The following SHROOM3 variants were observed in gnomAD, a reference collection of about 807,000 sequenced individuals.
The protein encoded by SHROOM3 is shroom family member 3, also known as protein Shroom3.
SHROOM3 carries 47 observed loss-of-function variants against 138.6 expected under a neutral mutation model. The observed-to-expected ratio is 0.34, with a 90% CI of 0.27 to 0.43. The LOEUF (loss-of-function observed/expected upper bound fraction) is 0.43, where lower values mean the gene tolerates loss of function less well. Among genes scored for constraint, SHROOM3 ranks in the 20% least tolerant of loss-of-function variants. The pLI is 1.00. For missense variants in SHROOM3, 2,491 were observed against 2,596.5 expected (o/e 0.96, Z 0.88); for synonymous variants, 1,062 against 1,063.3 (o/e 1.00, Z 0.02).
chr4:76,646,376 T>C (rs1735822735), intron 2 of SHROOM3, among the ~76,000 whole-genome samples: 1 of 151,886 alleles, frequency 6.6e-6, no homozygotes, highest in African/African-American at 2.4e-5. Context: ...ATAGTTTTTA[T>C]ACTTTACCAC....
chr4:76,450,841 A>G (rs1455801331), intron 1 of SHROOM3, among the ~76,000 whole-genome samples: 1 of 152,270 alleles, frequency 6.6e-6, no homozygotes, highest in Non-Finnish European at 1.5e-5. Context: ...AATGAATCAT[A>G]AAGAAAAACA....
At chr4:76,469,853 A>C (rs886420469) in intron 1 of SHROOM3, among the ~76,000 whole-genome samples, 2 of 152,092 alleles carry the variant, frequency 1.3e-5, no homozygotes, top group Non-Finnish European at 2.9e-5. Flanking sequence ...TGATTTGAAA[A>C]GACAAGATAA....
chr4:76,477,138 T>G (rs1731501467), intron 1 of SHROOM3, among the ~76,000 whole-genome samples: 1 of 152,094 alleles, frequency 6.6e-6, no homozygotes, highest in Admixed American at 6.5e-5. Flanking sequence ...CGGCTAATTT[T>G]TAATATTTTT....
At chr4:76,687,003 C>G (rs1719355750) in intron 2 of SHROOM3, among the ~76,000 whole-genome samples, 1 of 152,166 alleles carries the variant, frequency 6.6e-6, no homozygotes, top group African/African-American at 2.4e-5. Flanking sequence ...TCTCTCTGGT[C>G]TTTCCTTCCC....
intron 2 of SHROOM3, chr4:76,586,487 C>T: frequency 6.1e-6 from 6 of 982,714 alleles, no homozygotes; most frequent in Non-Finnish European, 7.3e-6. Context: ...CATTTTAAAC[C>T]AACGATTTCT....
At chr4:76,501,550 T>C (rs2109999594) in intron 1 of SHROOM3, among the ~76,000 whole-genome samples, 1 of 152,270 alleles carries the variant, frequency 6.6e-6, no homozygotes, top group East Asian at 1.9e-4. Flanking sequence ...TTTAATAAGG[T>C]AGCTCTTGGT....
At chr4:76,603,464 C>A (rs539091783) in intron 2 of SHROOM3, among the ~76,000 whole-genome samples, 50 of 152,058 alleles carry the variant, frequency 3.3e-4, no homozygotes, top group African/African-American at 1.1e-3. Flanking sequence ...CAAAAAAAAA[C>A]CGTACTTTGC....
chr4:76,670,810 G>A (rs966390233), intron 2 of SHROOM3, among the ~76,000 whole-genome samples: 4 of 151,984 alleles, frequency 2.6e-5, no homozygotes, highest in South Asian at 4.1e-4. Context: ...AAAATTAGCC[G>A]GGCATGGTGG....
chr4:76,635,402 G>A (rs925963701), intron 2 of SHROOM3, among the ~76,000 whole-genome samples: 4 of 152,094 alleles, frequency 2.6e-5, no homozygotes, highest in Non-Finnish European at 5.9e-5. Context: ...ACATGAGCTG[G>A]TCATAAAAGA....
At chr4:76,689,114 G>A (rs565337894) in intron 2 of SHROOM3, among the ~76,000 whole-genome samples, 1 of 152,188 alleles carries the variant, frequency 6.6e-6, no homozygotes, top group Non-Finnish European at 1.5e-5. Context: ...ACAACGGGGG[G>A]AGGTTAATTA....
intron 1 of SHROOM3, among the ~76,000 whole-genome samples, chr4:76,457,798 CTTTT>C (rs1186099037): frequency 2.9e-5 from 4 of 138,018 alleles, no homozygotes; most frequent in Non-Finnish European, 1.6e-5. Flanking sequence ...CTTTTCTTTT[CTTTT>C]TTTTTTTTTT....
intron 2 of SHROOM3, among the ~76,000 whole-genome samples, chr4:76,576,821 A>C (rs1359863833): frequency 1.3e-5 from 2 of 152,054 alleles, no homozygotes; most frequent in Non-Finnish European, 2.9e-5. Flanking sequence ...TAAAATAAAA[A>C]ATGGGTAAGA....
At chr4:76,462,937 G>A (rs1731172222) in intron 1 of SHROOM3, among the ~76,000 whole-genome samples, 1 of 152,106 alleles carries the variant, frequency 6.6e-6, no homozygotes, top group South Asian at 2.1e-4. Context: ...GTTCTTTATA[G>A]CAGTGCGAGA....
At chr4:76,770,939 A>C (rs1311339665) in intron 10 of SHROOM3, 41 bp downstream of exon 10, 1 of 1,612,742 alleles carries the variant, frequency 6.2e-7, no homozygotes, top group Non-Finnish European at 8.5e-7. Flanking sequence ...TTCTCCCTCA[A>C]AGCCCACATA....
At chr4:76,473,819 GT>G (rs1279994036) in intron 1 of SHROOM3, among the ~76,000 whole-genome samples, 29 of 152,160 alleles carry the variant, frequency 1.9e-4, no homozygotes, top group Admixed American at 1.9e-3. Flanking sequence ...ACAATAAAAA[GT>G]GTTGGCCAGG....
chr4:76,469,230 C>A (rs1289750864), intron 1 of SHROOM3, among the ~76,000 whole-genome samples: 2 of 151,964 alleles, frequency 1.3e-5, no homozygotes, highest in Non-Finnish European at 2.9e-5. Flanking sequence ...ATAAGCATTT[C>A]AATTTTTAAA....
intron 2 of SHROOM3, among the ~76,000 whole-genome samples, chr4:76,608,528 G>GGCATAGCATA (rs66571570): frequency 0.018 from 2,066 of 113,380 alleles, 140 homozygotes; most frequent in East Asian, 0.038. Context: ...GGACAGAGAT[G>GGCATAGCATA]GCATAGCATA....
At chr4:76,574,763 C>T (rs1029609983) in intron 2 of SHROOM3, among the ~76,000 whole-genome samples, 1 of 152,032 alleles carries the variant, frequency 6.6e-6, no homozygotes, top group African/African-American at 2.4e-5. Flanking sequence ...GTATAAGGTA[C>T]CCAGGGTAGT....
intron 2 of SHROOM3, among the ~76,000 whole-genome samples, chr4:76,584,779 G>A (rs1734119540): frequency 6.6e-6 from 1 of 152,146 alleles, no homozygotes; most frequent in Non-Finnish European, 1.5e-5. Flanking sequence ...CCACTCTGTG[G>A]TGGTGTTTTG....
Sources: gnomAD v4.1 joint callset for allele counts (sites outside exome capture counted in the v4.1 genomes callset) on GRCh38, gnomAD v4.1.1 for gene constraint, MANE v1.5 for transcripts, NCBI Gene and HGNC (gene_info 2026-07-23, HGNC 2026-07-21) for gene names.